RNGTT: variants seen among roughly 807,000 people sequenced by gnomAD.
The protein encoded by RNGTT is mRNA-capping enzyme.
In RNGTT, 33 loss-of-function variants were observed where a neutral mutation model predicts 79.3. That is an observed-to-expected ratio of 0.42 (90% CI 0.32 to 0.56). The LOEUF is 0.56. Ranked by LOEUF, RNGTT falls within the 20% of genes least tolerant of loss-of-function variation. The pLI is 0.17. For missense variants in RNGTT, 497 were observed against 739.1 expected, an observed-to-expected ratio of 0.67 and a Z score of 3.80; for synonymous variants, 222 against 235.9, an observed-to-expected ratio of 0.94 and a Z score of 0.54.
chr6:88,927,186 C>T (rs559234038), intron 4 of RNGTT, among the ~76,000 whole-genome samples: 1 of 152,220 alleles, frequency 6.6e-6, no homozygotes, highest in South Asian at 2.1e-4. Flanking sequence ...AGAGAAAGAA[C>T]TACTCAATAA....
chr6:88,942,457 A>G (rs1010048821), intron 1 of RNGTT, among the ~76,000 whole-genome samples: 5 of 151,748 alleles, frequency 3.3e-5, no homozygotes, highest in East Asian at 3.9e-4. Flanking sequence ...TGCAGCCTCA[A>G]CCTCCTGGGC....
intron 13 of RNGTT, among the ~76,000 whole-genome samples, chr6:88,744,625 C>A (rs1777601724): frequency 6.6e-6 from 1 of 152,150 alleles, no homozygotes; most frequent in Admixed American, 6.6e-5. Context: ...ATTACATTAG[C>A]TCTTTTCCTC....
chr6:88,841,653 C>T (rs766795891), intron 11 of RNGTT, among the ~76,000 whole-genome samples: 6 of 152,144 alleles, frequency 3.9e-5, no homozygotes, highest in Non-Finnish European at 8.8e-5. Flanking sequence ...TTGGATGCCA[C>T]GTGCAATTTT....
intron 10 of RNGTT, among the ~76,000 whole-genome samples, chr6:88,846,468 C>T (rs541129575): frequency 1.5e-3 from 229 of 152,196 alleles, no homozygotes; most frequent in Non-Finnish European, 2.9e-3. Context: ...ACTAGCAGGC[C>T]GGGTGCAGAT....
chr6:88,827,683 T>C (rs1780716779), intron 11 of RNGTT, among the ~76,000 whole-genome samples: 1 of 152,246 alleles, frequency 6.6e-6, no homozygotes, highest in Admixed American at 6.5e-5. Flanking sequence ...GAAGTCAACC[T>C]GGGATGCTGG....
At chr6:88,959,731 A>G (rs1310552991) in intron 1 of RNGTT, among the ~76,000 whole-genome samples, 2 of 152,176 alleles carry the variant, frequency 1.3e-5, no homozygotes, top group Non-Finnish European at 2.9e-5. Context: ...CTTGGATTCA[A>G]ATAATCTCAT....
At chr6:88,704,129 G>A (rs964965976) in intron 13 of RNGTT, among the ~76,000 whole-genome samples, 12 of 151,476 alleles carry the variant, frequency 7.9e-5, no homozygotes, top group African/African-American at 2.2e-4. Context: ...GCGTGGTGGC[G>A]GGCGCCTGTA....
rs112234325 is a variant in RNGTT, at chr6:88,922,685, G to A, written c.367+6300C>T. Among the ~76,000 whole-genome samples the A allele has an allele frequency of 9.4e-3, 1,427 of 152,088 alleles. 20 individuals carry two copies. Among genetic ancestry groups the A allele is most frequent in the African/African-American group, 0.033 (1,370 of 41,454 alleles). On this transcript the variant is annotated intron_variant, in intron 4 of 15. Coordinates refer to ENST00000369485, the MANE Select transcript of RNGTT (RefSeq NM_003800.5). ...TGGGACTACAGGCGTCCGCCACCAC[G>A]CCCAGCTAATTTTTTGTATTTTTTT...
intron 7 of RNGTT, 79 bp from the exon 8 acceptor site, chr6:88,890,675 A>G (rs1006459041): frequency 2.4e-6 from 2 of 847,056 alleles, no homozygotes; most frequent in South Asian, 1.8e-5. Context: ...TCTCAAATGA[A>G]TCACACATTT....
At chr6:88,619,324 C>T (rs73492447) in intron 14 of RNGTT, among the ~76,000 whole-genome samples, 1 of 152,118 alleles carries the variant, frequency 6.6e-6, no homozygotes, top group East Asian at 1.9e-4. Context: ...CACTACCACA[C>T]CTGGCTAATA....
At chr6:88,634,013 A>G (rs1016290732) in intron 14 of RNGTT, among the ~76,000 whole-genome samples, 7 of 152,314 alleles carry the variant, frequency 4.6e-5, no homozygotes, top group African/African-American at 1.7e-4. Context: ...TCTGCTTCCT[A>G]AAATATGAAA....
chr6:88,639,558 C>T (rs530623662), intron 14 of RNGTT, among the ~76,000 whole-genome samples: 76 of 152,290 alleles, frequency 5.0e-4, no homozygotes, highest in African/African-American at 1.8e-3. Context: ...AATGCTCCTG[C>T]CCAGAAATTG....
chr6:88,698,419 CTG>C (rs1412199572), intron 13 of RNGTT, among the ~76,000 whole-genome samples: 1 of 149,934 alleles, frequency 6.7e-6, no homozygotes, highest in African/African-American at 2.4e-5. Flanking sequence ...ATTTTCATGA[CTG>C]TATAAATATG....
chr6:88,948,862 T>C (rs1334455469), intron 1 of RNGTT, among the ~76,000 whole-genome samples: 1 of 90,916 alleles, frequency 1.1e-5, no homozygotes, highest in East Asian at 2.8e-4. Context: ...CAGGGTTAAA[T>C]GGATTAAGGG....
At chr6:88,958,037 C>A (rs1212995524) in intron 1 of RNGTT, among the ~76,000 whole-genome samples, 1 of 152,144 alleles carries the variant, frequency 6.6e-6, no homozygotes, top group Non-Finnish European at 1.5e-5. Context: ...GGCACACAGA[C>A]CCATGGAACA....
At chr6:88,713,021 C>T (rs1484611230) in intron 13 of RNGTT, among the ~76,000 whole-genome samples, 2 of 152,128 alleles carry the variant, frequency 1.3e-5, no homozygotes, top group Non-Finnish European at 1.5e-5. Context: ...TTTTCCCCAA[C>T]ATATAACAAA....
At chr6:88,921,432 T>C (rs971007106) in intron 4 of RNGTT, among the ~76,000 whole-genome samples, 30 of 152,200 alleles carry the variant, frequency 2.0e-4, no homozygotes, top group African/African-American at 6.3e-4. Context: ...GGGCTAATGC[T>C]GTAGGCTTCA....
At chr6:88,627,420 C>CT (rs943645656) in intron 14 of RNGTT, among the ~76,000 whole-genome samples, 18 of 152,124 alleles carry the variant, frequency 1.2e-4, no homozygotes, top group South Asian at 2.1e-4. Context: ...ATAGTGTTCT[C>CT]TTTTTTTATC....
At chr6:88,876,527 TC>T (rs1445405848) in intron 8 of RNGTT, among the ~76,000 whole-genome samples, 3 of 152,156 alleles carry the variant, frequency 2.0e-5, no homozygotes, top group Non-Finnish European at 4.4e-5. Flanking sequence ...AAAACAATCA[TC>T]ATCATCATCA....
Sources: gnomAD v4.1 joint callset for allele counts (sites outside exome capture counted in the v4.1 genomes callset) on GRCh38, gnomAD v4.1.1 for gene constraint, MANE v1.5 for transcripts, NCBI Gene and HGNC (gene_info 2026-07-23, HGNC 2026-07-21) for gene names.